HECTD2: variants seen among roughly 807,000 people sequenced by gnomAD.
HECTD2 encodes probable E3 ubiquitin-protein ligase HECTD2.
In HECTD2, 35 loss-of-function variants were observed where a neutral mutation model predicts 103.2. That is an observed-to-expected ratio of 0.34 (90% CI 0.26 to 0.45). HECTD2 has a LOEUF of 0.45. Among genes scored for constraint, HECTD2 ranks in the 20% least tolerant of loss-of-function variants. HECTD2 has a pLI of 1.00. For missense variants in HECTD2, 596 were observed against 937.4 expected (o/e 0.64, Z 4.76); for synonymous variants, 281 against 329.9 (o/e 0.85, Z 1.61).
At chr10:91,480,474 G>A (rs1846052528) in intron 6 of HECTD2, among the ~76,000 whole-genome samples, 1 of 152,002 alleles carries the variant, frequency 6.6e-6, no homozygotes, top group African/African-American at 2.4e-5. Context: ...ATTTTCAATT[G>A]AAGAAGTTAC....
chr10:91,438,080 C>T (rs1844212542), intron 2 of HECTD2, among the ~76,000 whole-genome samples: 1 of 151,438 alleles, frequency 6.6e-6, no homozygotes, highest in South Asian at 2.1e-4. Context: ...GAACAACTGA[C>T]TTAAGCCATC....
Position 91,410,386 on chromosome 10 carries a change from C to A in HECTD2, c.-53C>A, listed in dbSNP as rs1736309564. 4 of 1,253,920 alleles carry A rather than the reference C, an allele frequency of 3.2e-6. No homozygotes were observed. Among genetic ancestry groups the A allele is most frequent in the Non-Finnish European group, 4.1e-6 (4 of 983,558 alleles). 77.7% of individuals were successfully genotyped at this position (1,253,920 alleles called of 1,614,324 possible). A position where few individuals can be genotyped will look rare whatever the true frequency, so the allele number is the denominator to read the frequency against. ...GCGGCGGCAGCAGCAGCGCCAGCCC[C>A]AGCAACACTGAGGCCGCCGCCGCCG... On this transcript the variant is annotated 5_prime_UTR_variant, in exon 1 of 21. Transcript: ENST00000298068.
At position 91,508,601 on chromosome 10, in the gene HECTD2, G is replaced by C. The variant is rs1455960024; in HGVS notation, c.2211-3663G>C. Among the ~76,000 whole-genome samples the C allele has an allele frequency of 6.9e-3, 1,027 of 148,960 alleles. 7 individuals are homozygous for C. Among genetic ancestry groups the C allele is most frequent in the Non-Finnish European group, 0.011 (760 of 66,824 alleles). On this transcript the variant is annotated intron_variant, in intron 20 of 20. Coordinates refer to ENST00000298068, the MANE Select transcript of HECTD2 (RefSeq NM_182765.6). ...ACCATCTCACACCAGTTAGAATGGCGATCATTAAAAAGTCAGGAAACAACA... is the reference window on the plus strand; with the variant it reads ...ACCATCTCACACCAGTTAGAATGGCCATCATTAAAAAGTCAGGAAACAACA...
At chr10:91,483,569 AC>A (rs1430949334) in intron 8 of HECTD2, among the ~76,000 whole-genome samples, 2 of 152,010 alleles carry the variant, frequency 1.3e-5, no homozygotes, top group Non-Finnish European at 2.9e-5. Context: ...ACCCACATGA[AC>A]AATGACTTCT....
At chr10:91,455,638 G>A (rs2133178276) in intron 2 of HECTD2, among the ~76,000 whole-genome samples, 1 of 152,256 alleles carries the variant, frequency 6.6e-6, no homozygotes, top group East Asian at 1.9e-4. Context: ...TAGACATGAA[G>A]TCCTTGCCCA....
intron 5 of HECTD2, among the ~76,000 whole-genome samples, chr10:91,465,009 A>C (rs192543832): frequency 1.3e-5 from 2 of 152,262 alleles, no homozygotes; most frequent in Non-Finnish European, 2.9e-5. Context: ...AAAAATTTTC[A>C]TACATAGTAG....
rs1847524180 is a variant in HECTD2 at position 91,514,071 on chromosome 10, T to TA, written c.*1688dup. The TA allele has an allele frequency of 6.6e-6, 1 of 152,646 alleles. No homozygotes were observed. Among genetic ancestry groups the TA allele is most frequent in the African/African-American group, 2.4e-5 (1 of 41,458 alleles). The allele number at this position is 152,646 out of a possible 1,614,324, so 9.5% of individuals were successfully genotyped here. Reference sequence around the variant, plus strand: ...TATGCAAATAAAACTGCTTCTCTCTTACACTGCTTGAACTAGAAAATCAGC... The same window carrying TA: ...TATGCAAATAAAACTGCTTCTCTCTTAACACTGCTTGAACTAGAAAATCAGC... On this transcript the variant is annotated 3_prime_UTR_variant, in exon 21 of 21. Coordinates refer to ENST00000298068, the MANE Select transcript of HECTD2 (RefSeq NM_182765.6).
intron 1 of HECTD2, among the ~76,000 whole-genome samples, chr10:91,420,964 T>C (rs1235561030): frequency 6.6e-6 from 1 of 152,134 alleles, no homozygotes; most frequent in Non-Finnish European, 1.5e-5. Context: ...GCAATTTAAA[T>C]ATAAGGGAAC....
intron 20 of HECTD2, among the ~76,000 whole-genome samples, chr10:91,505,444 G>T (rs1440406185): frequency 6.6e-6 from 1 of 151,270 alleles, no homozygotes; most frequent in Non-Finnish European, 1.5e-5. Flanking sequence ...CAAGCAAATG[G>T]AAAACAAAAA....
chr10:91,409,799 C>G (rs1842838674), upstream of HECTD2, among the ~76,000 whole-genome samples: 1 of 152,292 alleles, frequency 6.6e-6, no homozygotes, highest in Admixed American at 6.5e-5. Context: ...AAGGCAGAAG[C>G]CCCAAGGCGG....
rs1208207149 is a variant in HECTD2, at chr10:91,506,239, C to G, written c.2210+4905C>G. ...CTAGAAAAGCAAGAGCAAACACATT[C>G]AAAAGCTAGCAGAAGGCAAGAAATA... On this transcript the variant is annotated intron_variant, in intron 20 of 20. Transcript: ENST00000298068. Among the ~76,000 whole-genome samples, 6 of 151,184 alleles carry G rather than the reference C, an allele frequency of 4.0e-5. No individual in the cohort carries two copies. The East Asian group carries it at 1.2e-3, about 30-fold the overall frequency.
chr10:91,466,669 C>A (rs759028601), intron 5 of HECTD2, among the ~76,000 whole-genome samples: 19 of 152,100 alleles, frequency 1.2e-4, no homozygotes, highest in Non-Finnish European at 2.4e-4. Flanking sequence ...CATGTATTTA[C>A]CCAAATGAGT....
chr10:91,461,421 T>C, intron 4 of HECTD2, 65 bp downstream of exon 4: 1 of 752,832 alleles, frequency 1.3e-6, no homozygotes, highest in Non-Finnish European at 2.2e-6. Context: ...AAATGATAAA[T>C]TTACCTCATT....
chr10:91,431,521 C>G (rs1430886892), intron 2 of HECTD2, among the ~76,000 whole-genome samples: 2 of 152,188 alleles, frequency 1.3e-5, no homozygotes, highest in African/African-American at 4.8e-5. Context: ...GTACACCAAT[C>G]AGACGCAGAT....
Position 91,485,313 on chromosome 10 carries a change from A to C in HECTD2, c.1094+10A>C. 1 of 1,578,520 alleles carries C rather than the reference A, an allele frequency of 6.3e-7. No homozygotes were observed. The highest frequency in any genetic ancestry group is 8.6e-7 in the Non-Finnish European group (1 of 1,166,548). On this transcript the variant is annotated intron_variant, in intron 10 of 20. Coordinates refer to ENST00000298068, the MANE Select transcript of HECTD2 (RefSeq NM_182765.6). The stretch of plus-strand genomic sequence containing the variant: ...TTGGAAACTCTCACAGGTATGAACA[A>C]AAGTTCCTTTGATTATCCACCTAAA...
rs2133200555 is a variant in HECTD2, at chr10:91,460,552, G to T, written c.394G>T (p.Val132Leu). 6.2e-7 allele frequency: 1 copy of T among 1,607,988 alleles called. No individual in the cohort carries two copies. Among genetic ancestry groups the T allele is most frequent in the African/African-American group, 1.3e-5 (1 of 74,732 alleles). Reference protein sequence around the residue: ...EPILPIQPKTVKDFQEDVEKV... With the variant: ...EPILPIQPKTLKDFQEDVEKV... The stretch of plus-strand genomic sequence containing the variant: ...TATTCTTCCTATCCAGCCCAAAACT[G>T]TGAAAGACTTTCAGTAAGTTTCAGC... The change falls in exon 3 of 21, where the codon GTG (valine) becomes TTG (leucine). Residue 132 changes from valine to leucine, a missense_variant. Val to Leu is a conservative substitution (Grantham distance 32). Transcript: ENST00000298068.
At chr10:91,491,618 A>T (rs2133317000) in intron 12 of HECTD2, among the ~76,000 whole-genome samples, 1 of 152,254 alleles carries the variant, frequency 6.6e-6, no homozygotes, top group Admixed American at 6.5e-5. Flanking sequence ...TAGATTCCAG[A>T]CCCACCTTTG....
chr10:91,501,958 G>A (rs1481318377), intron 20 of HECTD2, among the ~76,000 whole-genome samples: 1 of 151,854 alleles, frequency 6.6e-6, no homozygotes, highest in Non-Finnish European at 1.5e-5. Flanking sequence ...TTTGTCTCCT[G>A]CCCCATACAT....
At chr10:91,500,076 C>G (rs1232481375) in intron 18 of HECTD2, among the ~76,000 whole-genome samples, 3 of 152,060 alleles carry the variant, frequency 2.0e-5, no homozygotes, top group Non-Finnish European at 4.4e-5. Flanking sequence ...ACTAACCCAC[C>G]TGAAAGTTGA....
Sources: allele counts gnomAD v4.1 joint callset (sites outside exome capture counted in the v4.1 genomes callset), GRCh38; gene constraint gnomAD v4.1.1; transcripts MANE v1.5; gene names NCBI Gene and HGNC (gene_info 2026-07-23, HGNC 2026-07-21).